Variants in SAFB observed in about 807,000 individuals in gnomAD.
SAFB encodes scaffold attachment factor B1.
Under a neutral mutation model 101.6 loss-of-function variants are expected in SAFB, and 15 were observed. That is an observed-to-expected ratio of 0.15 (90% CI 0.10 to 0.23). The LOEUF is 0.23. SAFB is among the 10% of genes least tolerant of loss of function. The pLI is 1.00. For synonymous variants in SAFB, 449 were observed against 407.5 expected (o/e 1.10, Z -1.23); for missense variants, 930 against 1,104.1 (o/e 0.84, Z 2.23).
chr19:5,625,104 C>G (rs1417290510), intron 1 of SAFB, among the ~76,000 whole-genome samples: 1 of 152,160 alleles, frequency 6.6e-6, no homozygotes, highest in Non-Finnish European at 1.5e-5. Flanking sequence ...AAGATGTGGT[C>G]CCAAAACACG....
At chr19:5,648,781 T>TC (rs1463208923) in intron 6 of SAFB, 1 of 711,206 alleles carries the variant, frequency 1.4e-6, no homozygotes, top group South Asian at 1.5e-5. Context: ...GCTTTTCTCT[T>TC]CCGTGTAGCG....
chr19:5,623,606 G>A (rs984292576), intron 1 of SAFB, among the ~76,000 whole-genome samples: 4 of 152,172 alleles, frequency 2.6e-5, no homozygotes, highest in African/African-American at 9.6e-5. Flanking sequence ...ATGGGGCCAG[G>A]AGAACCACAA....
At chr19:5,639,692 CAA>C (rs200168940) in intron 2 of SAFB, among the ~76,000 whole-genome samples, 27 of 90,970 alleles carry the variant, frequency 3.0e-4, no homozygotes, top group South Asian at 6.2e-4. Context: ...GACTCCGTCC[CAA>C]AAAAAAAAAA....
chr19:5,653,298 A>G (rs2053980861), intron 10 of SAFB, 34 bp downstream of exon 10: 2 of 1,613,768 alleles, frequency 1.2e-6, no homozygotes, highest in Non-Finnish European at 1.7e-6. Context: ...GATATAGCCC[A>G]CATTAGGAAA....
At chr19:5,665,249 G>A (rs1026273533) in intron 17 of SAFB, 1 of 152,134 alleles carries the variant, frequency 6.6e-6, no homozygotes, top group Non-Finnish European at 1.5e-5. Flanking sequence ...CCCTGCTCCT[G>A]GAGGCAAATT....
intron 5 of SAFB, 83 bp downstream of exon 5, chr19:5,645,482 G>C (rs2053808660): frequency 8.8e-6 from 6 of 678,626 alleles, no homozygotes; most frequent in Admixed American, 2.5e-5. Flanking sequence ...CCATATGCCA[G>C]TTCCAGCTAA....
chr19:5,661,964 A>G (rs1411576015), intron 15 of SAFB, among the ~76,000 whole-genome samples, 156 bp downstream of exon 15: 1 of 151,048 alleles, frequency 6.6e-6, no homozygotes, highest in Non-Finnish European at 1.5e-5. Flanking sequence ...GGCTCACTGC[A>G]AGCTCTGCCT....
At chr19:5,624,140 G>T (rs1404901207) in intron 1 of SAFB, 1 of 151,596 alleles carries the variant, frequency 6.6e-6, no homozygotes, top group African/African-American at 2.4e-5. Flanking sequence ...CAGTCTCTCT[G>T]GACTTGGGGA....
At chr19:5,628,249 C>G (rs574535442) in intron 2 of SAFB, among the ~76,000 whole-genome samples, 4 of 151,964 alleles carry the variant, frequency 2.6e-5, no homozygotes, top group African/African-American at 9.7e-5. Context: ...ACTCCATCCC[C>G]CTAAAAAAAA....
chr19:5,624,463 A>G (rs963108138), intron 1 of SAFB, among the ~76,000 whole-genome samples: 1 of 151,974 alleles, frequency 6.6e-6, no homozygotes, highest in Non-Finnish European at 1.5e-5. Flanking sequence ...GCAGAGAGGC[A>G]AGTAAAGGTT....
chr19:5,645,513 T>A, intron 5 of SAFB, 114 bp downstream of exon 5: 1 of 593,518 alleles, frequency 1.7e-6, no homozygotes, highest in Non-Finnish European at 3.1e-6. Context: ...AAGGGTTGTT[T>A]CCTTTGTCAG....
chr19:5,642,831 A>G (rs1342653340), intron 4 of SAFB, among the ~76,000 whole-genome samples: 4 of 151,466 alleles, frequency 2.6e-5, no homozygotes, highest in Non-Finnish European at 4.4e-5. Flanking sequence ...AAGCCCGACT[A>G]ATTTTCTTGT....
chr19:5,663,351 A>C (rs2054258250), intron 15 of SAFB, among the ~76,000 whole-genome samples: 1 of 152,252 alleles, frequency 6.6e-6, no homozygotes, highest in African/African-American at 2.4e-5. Flanking sequence ...GTATGAACAC[A>C]AAATGCTGAG....
intron 15 of SAFB, 48 bp from the exon 16 acceptor site, chr19:5,663,974 C>A: frequency 6.3e-7 from 1 of 1,593,846 alleles, no homozygotes; most frequent in Middle Eastern, 1.7e-4. Context: ...GTGATAGATA[C>A]ATTTGGGGTG....
chr19:5,649,997 A>T (rs758904195), intron 8 of SAFB, 22 bp downstream of exon 8: 1 of 1,597,712 alleles, frequency 6.3e-7, no homozygotes, highest in South Asian at 1.1e-5. Flanking sequence ...CGGCGACACC[A>T]GTCCCTTGGA....
intron 4 of SAFB, among the ~76,000 whole-genome samples, chr19:5,644,119 T>G (rs1381172076): frequency 6.6e-6 from 1 of 152,158 alleles, no homozygotes; most frequent in Non-Finnish European, 1.5e-5. Flanking sequence ...TCTCATGGTG[T>G]AAATGAAGTT....
At position 5,661,657 on chromosome 19, in the gene SAFB, C is replaced by G; in HGVS notation, c.2002C>G (p.Arg668Gly). The change falls in exon 15 of 21, where the codon CGG becomes GGG. Residue 668 changes from arginine to glycine, a missense_variant. Coordinates refer to ENST00000588852, the MANE Select transcript of SAFB (RefSeq NM_001201338.2). ...RLERERMERE[R>G]LERERMHVEH... The stretch of plus-strand genomic sequence containing the variant: ...GGAGCGGGAGCGCATGGAGCGGGAA[C>G]GGCTGGAGCGCGAACGCATGCACGT... 6.2e-7 allele frequency: 1 copy of G among 1,611,790 alleles called. No homozygotes were observed. Among genetic ancestry groups the G allele is most frequent in the Non-Finnish European group, 8.5e-7 (1 of 1,179,506 alleles).
chr19:5,629,115 T>C (rs1261469578), intron 2 of SAFB, among the ~76,000 whole-genome samples: 1 of 152,126 alleles, frequency 6.6e-6, no homozygotes, highest in African/African-American at 2.4e-5. Context: ...AATACGTGCA[T>C]GGGAGTAAAA....
At chr19:5,657,372 T>G in intron 14 of SAFB, 25 bp downstream of exon 14, 786 of 1,508,874 alleles carry the variant, frequency 5.2e-4, no homozygotes, top group Non-Finnish European at 6.5e-4. Context: ...AGGAACGGTT[T>G]GGTGTTTTTC....
Sources: gnomAD v4.1 joint callset for allele counts (sites outside exome capture counted in the v4.1 genomes callset) on GRCh38, gnomAD v4.1.1 for gene constraint, MANE v1.5 for transcripts, NCBI Gene and HGNC (gene_info 2026-07-23, HGNC 2026-07-21) for gene names.